RPL31: variants seen among roughly 807,000 people sequenced by gnomAD.
RPL31 encodes the protein ribosomal protein L31.
For synonymous variants in RPL31, 51 were observed against 55.0 expected (o/e 0.93, Z 0.32); for missense variants, 95 against 164.0 (o/e 0.58, Z 2.30).
In RPL31 at chr2:101,017,843, T is replaced by C. The variant is rs147875922; in HGVS notation, c.347-1155T>C. On this transcript the variant is annotated intron_variant, in intron 4 of 4. Transcript: ENST00000409028. ...TAATACTAACAGTGAAGCAGCTACA[T>C]GCAATTCCCAATTAGGTCTTCAAAA... 1.0e-4 allele frequency: 160 copies of C among 1,550,692 alleles called. 1 individual carries two copies. The Admixed American group carries it at 1.1e-3, about 10-fold the overall frequency.
chr2:101,017,074 T>TAAA (rs376317331), intron 4 of RPL31, among the ~76,000 whole-genome samples: 1 of 133,016 alleles, frequency 7.5e-6, no homozygotes, highest in African/African-American at 2.8e-5. Flanking sequence ...TTAAAAGTAT[T>TAAA]AAAAAAAAAA....
chr2:101,018,012 A>G, intron 4 of RPL31: 1 of 1,378,452 alleles, frequency 7.3e-7, no homozygotes, highest in African/African-American at 1.4e-5. Context: ...TACTTCAAGC[A>G]TGTGCTCATT....
chr2:101,007,613 A>G (rs929329438), downstream of RPL31: 9 of 573,182 alleles, frequency 1.6e-5, no homozygotes, highest in Middle Eastern at 4.6e-4. Context: ...AAGGGAACCA[A>G]TGGATACCTT....
chr2:101,018,916 T>C, intron 4 of RPL31: 2 of 1,544,386 alleles, frequency 1.3e-6, no homozygotes, highest in Non-Finnish European at 1.8e-6. Flanking sequence ...TGAAAACTGT[T>C]GATGTCCTAA....
chr2:101,019,067 C>T, exon 5 of RPL31: 1 of 1,602,508 alleles, frequency 6.2e-7, no homozygotes, highest in South Asian at 1.1e-5. Flanking sequence ...TGGATGAGGC[C>T]TTGGGTCTCG....
chr2:101,010,835 TCG>T (rs1261969795), downstream of RPL31: 2 of 1,014,404 alleles, frequency 2.0e-6, no homozygotes, highest in African/African-American at 3.3e-5. Flanking sequence ...TGGGCTGAGA[TCG>T]CGCCACTGTA....
At chr2:101,013,868 T>C (rs1302116179) in intron 4 of RPL31, among the ~76,000 whole-genome samples, 2 of 152,248 alleles carry the variant, frequency 1.3e-5, no homozygotes, top group African/African-American at 4.8e-5. Flanking sequence ...ACCATGCTTA[T>C]TTTGCAAAAG....
chr2:101,019,531 T>TGCATCAAAAATTCAGATAC (rs1157336085), exon 5 of RPL31: 1 of 153,020 alleles, frequency 6.5e-6, no homozygotes, highest in Non-Finnish European at 1.5e-5. Context: ...CTTTTTTAAC[T>TGCATCAAAAATTCAGATAC]GCATCAAAAA....
At chr2:101,005,311 C>CA (rs1384936961) in intron 3 of RPL31, 1 of 152,626 alleles carries the variant, frequency 6.6e-6, no homozygotes, top group East Asian at 1.9e-4. Context: ...GAGTTTTTAA[C>CA]ACTGTTTTTT....
intron 4 of RPL31, among the ~76,000 whole-genome samples, chr2:101,015,098 TCGC>T (rs2105366587): frequency 6.6e-6 from 1 of 152,324 alleles, no homozygotes; most frequent in South Asian, 2.1e-4. Flanking sequence ...ACTACACACC[TCGC>T]CTATAAAGTC....
intron 2 of RPL31, 72 bp from the exon 3 acceptor site, chr2:101,004,086 T>C (rs1678634247): frequency 6.5e-7 from 1 of 1,534,868 alleles, no homozygotes; most frequent in Non-Finnish European, 8.9e-7. Flanking sequence ...ATCATCGACA[T>C]TGAGGATTTC....
At position 101,007,205 on chromosome 2, in the gene RPL31, C is replaced by T. The variant is rs11695176; in HGVS notation, c.*824C>T. 19,584 of 152,232 alleles carry T rather than the reference C, an allele frequency of 0.13. 1,653 individuals are homozygous for T. The highest frequency in any genetic ancestry group is 0.3 in the Middle Eastern group (89 of 294). 9.4% of individuals were successfully genotyped at this position (152,232 alleles called of 1,614,324 possible). A position where few individuals can be genotyped will look rare whatever the true frequency, so the allele number is the denominator to read the frequency against. ...GTCTACAGCTTAAGACACTTAACTACAAGGTAAAAGAAAAGGACCAAGTAA... is the reference window on the plus strand; with the variant it reads ...GTCTACAGCTTAAGACACTTAACTATAAGGTAAAAGAAAAGGACCAAGTAA... On this transcript the variant is annotated 3_prime_UTR_variant, in exon 5 of 5. Coordinates refer to ENST00000264258, the MANE Select transcript of RPL31 (RefSeq NM_000993.5).
chr2:101,016,618 T>C (rs1679657227), intron 4 of RPL31, among the ~76,000 whole-genome samples: 1 of 152,126 alleles, frequency 6.6e-6, no homozygotes, highest in African/African-American at 2.4e-5. Context: ...TAAAGACACA[T>C]GCACACGTAT....
downstream of RPL31, chr2:101,007,967 G>C: frequency 6.2e-7 from 1 of 1,614,030 alleles, no homozygotes; most frequent in East Asian, 2.2e-5. Context: ...TGTTCAGTCA[G>C]AAGTGAAGCT....
downstream of RPL31, chr2:101,011,033 A>G: frequency 1.2e-6 from 2 of 1,609,292 alleles, no homozygotes; most frequent in Non-Finnish European, 1.7e-6. Flanking sequence ...TCACCTTGAA[A>G]CAAAGGAAAA....
At chr2:101,008,331 T>C, downstream of RPL31, 1 of 1,350,902 alleles carries the variant, frequency 7.4e-7, no homozygotes, top group East Asian at 2.4e-5. Flanking sequence ...GTCATTTTTT[T>C]TTTTAAACAT....
chr2:101,006,204 A>G, intron 4 of RPL31, 133 bp downstream of exon 4: 45 of 1,508,020 alleles, frequency 3.0e-5, no homozygotes, highest in Non-Finnish European at 3.9e-5. Flanking sequence ...GTGTGGGAAG[A>G]TGCTAAAGAA....
At chr2:101,002,873 C>A in intron 2 of RPL31, 65 bp downstream of exon 2, 1 of 1,152,754 alleles carries the variant, frequency 8.7e-7, no homozygotes, top group Non-Finnish European at 1.3e-6. Flanking sequence ...GAGAGATGTG[C>A]CGAATCACCT....
Position 101,006,503 on chromosome 2 carries a change from C to G in RPL31, c.*122C>G. Reference sequence around the variant, plus strand: ...ATGGGATCATTTGAAGAGCTTTTCCCAAATTGATGGCCTGTGCTGCCTTCT... The same window carrying G: ...ATGGGATCATTTGAAGAGCTTTTCCGAAATTGATGGCCTGTGCTGCCTTCT... On this transcript the variant is annotated 3_prime_UTR_variant, in exon 5 of 5. Transcript: ENST00000264258. 1 of 961,360 alleles carries G rather than the reference C, an allele frequency of 1.0e-6. No individual in the cohort carries two copies. Among genetic ancestry groups the G allele is most frequent in the South Asian group, 1.8e-5 (1 of 54,422 alleles). 59.6% of individuals were successfully genotyped at this position (961,360 alleles called of 1,614,324 possible). A position where few individuals can be genotyped will look rare whatever the true frequency, so the allele number is the denominator to read the frequency against.
Sources: gnomAD v4.1 joint callset for allele counts (sites outside exome capture counted in the v4.1 genomes callset) on GRCh38, gnomAD v4.1.1 for gene constraint, MANE v1.5 for transcripts, NCBI Gene and HGNC (gene_info 2026-07-23, HGNC 2026-07-21) for gene names.